Variants in SGF29 observed in about 807,000 individuals in gnomAD.
SGF29 encodes the protein SAGA-associated factor 29.
Under a neutral mutation model 38.1 loss-of-function variants are expected in SGF29, and 15 were observed. The ratio of observed to expected loss-of-function variants is 0.39; its 90% confidence interval spans 0.26 to 0.61. SGF29 has a LOEUF of 0.61. Among genes scored for constraint, SGF29 ranks in the 20% least tolerant of loss-of-function variants. SGF29 has a pLI of 0.49. For synonymous variants in SGF29, 151 were observed against 160.8 expected, an observed-to-expected ratio of 0.94 and a Z score of 0.46; for missense variants, 184 against 394.6, an observed-to-expected ratio of 0.47 and a Z score of 4.52.
At chr16:28,572,199 A>G (rs942326128) in intron 1 of SGF29, among the ~76,000 whole-genome samples, 4 of 151,616 alleles carry the variant, frequency 2.6e-5, no homozygotes, top group South Asian at 2.1e-4. Context: ...GATTGTCTCA[A>G]TCTCCTGACC....
chr16:28,554,249 TG>T (rs1337600829), intron 1 of SGF29, 152 bp downstream of exon 1: 1 of 14,424 alleles, frequency 6.9e-5, no homozygotes, highest in African/African-American at 4.3e-4. Context: ...GCGGGGCTCG[TG>T]GGGGTGGGGG....
chr16:28,579,969 G>A (rs1020796391), intron 1 of SGF29, among the ~76,000 whole-genome samples: 4 of 152,014 alleles, frequency 2.6e-5, no homozygotes, highest in Admixed American at 2.0e-4. Context: ...TAGTAAGAAA[G>A]TAACAGCGTT....
Position 28,555,399 on chromosome 16 carries a change from C to A in SGF29, c.-16+1302C>A, listed in dbSNP as rs185866887. Among the ~76,000 whole-genome samples, 10 of 152,258 alleles carry A rather than the reference C, an allele frequency of 6.6e-5. No homozygotes were observed. In the East Asian group the frequency reaches 1.7e-3, roughly 26 times the overall value. On this transcript the variant is annotated intron_variant, in intron 1 of 9. Transcript: ENST00000317058. ...GCTGAGGCACAATAATCACTTAAAC[C>A]CAGGAGGTGGATGCTGCAGTGAGCC...
chr16:28,584,351 G>A (rs1038266778), intron 2 of SGF29, among the ~76,000 whole-genome samples: 4 of 151,898 alleles, frequency 2.6e-5, no homozygotes, highest in Non-Finnish European at 4.4e-5. Flanking sequence ...TTGAACTCCT[G>A]AATTTGGATT....
intron 1 of SGF29, among the ~76,000 whole-genome samples, chr16:28,573,185 A>T (rs185451164): frequency 2.6e-5 from 4 of 152,062 alleles, no homozygotes; most frequent in South Asian, 2.1e-4. Context: ...AGATTGGGAG[A>T]TGGCACTACA....
At chr16:28,574,731 G>A (rs1339623004) in intron 1 of SGF29, among the ~76,000 whole-genome samples, 1 of 152,164 alleles carries the variant, frequency 6.6e-6, no homozygotes, top group African/African-American at 2.4e-5. Flanking sequence ...CACTTTCTTT[G>A]TTATGGCTCA....
At chr16:28,591,014 C>G in intron 9 of SGF29, 79 bp downstream of exon 9, 1 of 1,464,920 alleles carries the variant, frequency 6.8e-7, no homozygotes, top group Non-Finnish European at 9.1e-7. Flanking sequence ...CCTCTCCCCA[C>G]TCCTTCCCTT....
Position 28,581,042 on chromosome 16 carries a change from G to A in SGF29, c.-15-13G>A, listed in dbSNP as rs754806235. On this transcript the variant is annotated splice_polypyrimidine_tract_variant and intron_variant, in intron 1 of 9. Coordinates refer to ENST00000317058, the MANE Select transcript of SGF29 (RefSeq NM_138414.3). ...ACTAACAGAGTTCTCTTCTGTCCTC[G>A]CTCCCCCACCAGGTGCCCCTGTAGA... 1.3e-4 allele frequency: 216 copies of A among 1,603,922 alleles called. No homozygotes were observed. Among genetic ancestry groups the A allele is most frequent in the Admixed American group, 5.5e-4 (33 of 59,560 alleles).
Position 28,585,750 on chromosome 16 carries a change from C to T in SGF29, c.224+30C>T, listed in dbSNP as rs760871360. The T allele has an allele frequency of 5.5e-5, 88 of 1,603,774 alleles. No homozygotes were observed. The East Asian group carries it at 1.9e-3, about 35-fold the overall frequency. On this transcript the variant is annotated intron_variant, in intron 4 of 9. Coordinates refer to ENST00000317058, the MANE Select transcript of SGF29 (RefSeq NM_138414.3). ...GTACCGTGCACCCACTTCATCGCCG[C>T]TCCCTCCTTTCCTGGGGGCTGGGCT...
intron 1 of SGF29, among the ~76,000 whole-genome samples, chr16:28,577,804 G>C (rs1819654964): frequency 6.6e-6 from 1 of 152,076 alleles, no homozygotes; most frequent in Non-Finnish European, 1.5e-5. Flanking sequence ...TTTGTATATG[G>C]GCTGAGATAG....
chr16:28,569,165 G>A (rs970018744), intron 1 of SGF29, among the ~76,000 whole-genome samples: 1 of 152,154 alleles, frequency 6.6e-6, no homozygotes, highest in Non-Finnish European at 1.5e-5. Context: ...CTAGTGTTTT[G>A]TGGGAGAACT....
intron 1 of SGF29, 130 bp downstream of exon 1, chr16:28,554,227 G>T (rs2046730441): frequency 6.6e-6 from 1 of 151,942 alleles, no homozygotes; most frequent in South Asian, 2.1e-4. Flanking sequence ...ACGCGCTCTG[G>T]GCGGGAGGGG....
At chr16:28,584,713 C>T (rs1033140435) in intron 2 of SGF29, among the ~76,000 whole-genome samples, 200 bp from the exon 3 acceptor site, 5 of 149,408 alleles carry the variant, frequency 3.3e-5, no homozygotes, top group Admixed American at 6.8e-5. Flanking sequence ...GGCGTGAACC[C>T]GGGAGGCGGA....
At chr16:28,554,557 G>T (rs1180328079) in intron 1 of SGF29, among the ~76,000 whole-genome samples, 1 of 152,064 alleles carries the variant, frequency 6.6e-6, no homozygotes, top group African/African-American at 2.4e-5. Flanking sequence ...TCAACCTCCC[G>T]CCTCGGCCTC....
At chr16:28,576,721 C>T (rs900337865) in intron 1 of SGF29, among the ~76,000 whole-genome samples, 6 of 152,030 alleles carry the variant, frequency 3.9e-5, no homozygotes, top group Admixed American at 6.6e-5. Context: ...ACAAAGAAAA[C>T]GTGCCCACAC....
chr16:28,576,795 C>T lies in SGF29; in HGVS notation c.-15-4260C>T, dbSNP rs8061547. Among the ~76,000 whole-genome samples, 845 of 152,266 alleles carry T rather than the reference C, an allele frequency of 5.5e-3. 10 individuals are homozygous for T. Among genetic ancestry groups the T allele is most frequent in the African/African-American group, 0.019 (801 of 41,540 alleles). On this transcript the variant is annotated intron_variant, in intron 1 of 9. Transcript: ENST00000317058. ...AATAGCCAAAAAAATAGACGTAACC[C>T]AATGTCCATCAGTTCATGAACTGAC...
At chr16:28,587,916 C>T (rs1476393227) in intron 4 of SGF29, among the ~76,000 whole-genome samples, 4 of 152,152 alleles carry the variant, frequency 2.6e-5, no homozygotes, top group Admixed American at 2.6e-4. Context: ...TCTCTTGCCT[C>T]AGCCTCCCAA....
chr16:28,557,140 G>T (rs2046757680), intron 1 of SGF29, among the ~76,000 whole-genome samples: 1 of 152,164 alleles, frequency 6.6e-6, no homozygotes, highest in Non-Finnish European at 1.5e-5. Context: ...TAGTAAAAGG[G>T]CCAGCAATTT....
chr16:28,565,291 C>T (rs897313567), intron 1 of SGF29, among the ~76,000 whole-genome samples: 1 of 152,150 alleles, frequency 6.6e-6, no homozygotes, highest in Non-Finnish European at 1.5e-5. Flanking sequence ...CAGCGCTTCA[C>T]CAGCCGTCTA....
Sources: gnomAD v4.1 joint callset for allele counts (sites outside exome capture counted in the v4.1 genomes callset) on GRCh38, gnomAD v4.1.1 for gene constraint, MANE v1.5 for transcripts, NCBI Gene and HGNC (gene_info 2026-07-23, HGNC 2026-07-21) for gene names.